RAI1: variants seen among roughly 807,000 people sequenced by gnomAD.
RAI1 encodes retinoic acid-induced protein 1.
RAI1 carries 9 observed loss-of-function variants against 123.8 expected under a neutral mutation model. The ratio of observed to expected loss-of-function variants is 0.07; its 90% confidence interval spans 0.04 to 0.13. RAI1 has a LOEUF of 0.13. Among genes scored for constraint, RAI1 ranks in the 10% least tolerant of loss-of-function variants. The pLI, the probability that RAI1 is intolerant of heterozygous loss-of-function variation, is 1.00. For synonymous variants in RAI1, 1,231 were observed against 1,127.3 expected (o/e 1.09, Z -1.84); for missense variants, 2,256 against 2,545.8 (o/e 0.89, Z 2.45).
At position 17,798,194 on chromosome 17, in the gene RAI1, C is replaced by T; in HGVS notation, c.5246C>T (p.Ala1749Val). Residue 1749 changes from alanine to valine, a missense_variant, in exon 3 of 6, where the codon GCC becomes GTC. This residue lies in a region of RAI1 where 243 missense variants were observed against 316.6 expected (regional missense o/e 0.77). Transcript: ENST00000353383. The part of the protein sequence containing the change: ...TLKGPECAAA[A>V]TAGKPPRPDG... ...AAAGGTCCCGAGTGTGCAGCTGCCGCCACTGCCGGGAAGCCCCCCAGGCCT... is the reference window on the plus strand; with the variant it reads ...AAAGGTCCCGAGTGTGCAGCTGCCGTCACTGCCGGGAAGCCCCCCAGGCCT... 6.2e-7 allele frequency: 1 copy of T among 1,612,788 alleles called. No individual in the cohort carries two copies. Among genetic ancestry groups the T allele is most frequent in the South Asian group, 1.1e-5 (1 of 91,068 alleles).
chr17:17,797,795 C>T lies in RAI1; in HGVS notation c.4847C>T (p.Ser1616Phe). Reference sequence around the variant, plus strand: ...ACCACCATATGCACTGTTGTCAACTCCCCTGGAGATGCGCCCAAGCCCCAC... The same window carrying T: ...ACCACCATATGCACTGTTGTCAACTTCCCTGGAGATGCGCCCAAGCCCCAC... ...AFTTICTVVN[S>F]PGDAPKPHRK... is the part of the protein sequence containing the mutation. Residue 1616 changes from serine to phenylalanine, a missense_variant, in exon 3 of 6, where the codon TCC (serine) becomes TTC (phenylalanine). By Grantham distance (155) the Ser-to-Phe change is radical (BLOSUM62 -2). Transcript: ENST00000353383. 6 of 1,614,066 alleles carry T rather than the reference C, an allele frequency of 3.7e-6. No homozygotes were observed. Among genetic ancestry groups the T allele is most frequent in the Non-Finnish European group, 5.1e-6 (6 of 1,180,032 alleles).
chr17:17,719,193 C>T (rs552195361), intron 1 of RAI1, among the ~76,000 whole-genome samples: 5 of 152,164 alleles, frequency 3.3e-5, no homozygotes, highest in African/African-American at 9.7e-5. Context: ...CAAGGGAAAG[C>T]GTGTCCCATC....
chr17:17,786,013 C>A (rs1011625351), intron 2 of RAI1, among the ~76,000 whole-genome samples: 1 of 152,096 alleles, frequency 6.6e-6, no homozygotes, highest in African/African-American at 2.4e-5. Context: ...TTGTAAAATC[C>A]TGATTTCTGT....
chr17:17,762,048 G>C (rs2030720993), intron 2 of RAI1, among the ~76,000 whole-genome samples: 1 of 152,210 alleles, frequency 6.6e-6, no homozygotes, highest in Admixed American at 6.5e-5. Context: ...CGAGGCTGGA[G>C]TGCCACCAGC....
At chr17:17,734,769 CAG>C (rs1375072664) in intron 2 of RAI1, among the ~76,000 whole-genome samples, 2 of 152,340 alleles carry the variant, frequency 1.3e-5, no homozygotes, top group African/African-American at 2.4e-5. Context: ...TGGACACACA[CAG>C]GGGCACATAT....
Position 17,771,292 on chromosome 17 carries a change from C to T in RAI1, c.-16-21641C>T, listed in dbSNP as rs558940729. 2.5e-4 allele frequency among the ~76,000 whole-genome samples: 38 copies of T among 152,318 alleles called. 1 individual carries two copies. In the South Asian group the frequency reaches 7.5e-3, roughly 30 times the overall value. On this transcript the variant is annotated intron_variant, in intron 2 of 5. Coordinates refer to ENST00000353383, the MANE Select transcript of RAI1 (RefSeq NM_030665.4). Reference sequence around the variant, plus strand: ...CATCCATCCATCCATCCATCAAATTCGTTCACTCATTCATTCAGCAAATGT... The same window carrying T: ...CATCCATCCATCCATCCATCAAATTTGTTCACTCATTCATTCAGCAAATGT...
At chr17:17,781,147 A>G (rs898222978) in intron 2 of RAI1, among the ~76,000 whole-genome samples, 1 of 152,028 alleles carries the variant, frequency 6.6e-6, no homozygotes, top group East Asian at 1.9e-4. Flanking sequence ...CAGGTTCCCA[A>G]ATAGGCGGTA....
At chr17:17,683,398 G>C (rs995646948) in intron 1 of RAI1, 4 of 152,208 alleles carry the variant, frequency 2.6e-5, no homozygotes, top group Non-Finnish European at 4.4e-5. Flanking sequence ...CACCCCAGGT[G>C]GGGGGCAGCC....
In RAI1 at chr17:17,793,570, C is replaced by T. The variant is rs1201201830; in HGVS notation, c.622C>T (p.His208Tyr). The change falls in exon 3 of 6, where the codon CAC (histidine) becomes TAC (tyrosine). Residue 208 changes from histidine to tyrosine, a missense_variant. By Grantham distance (83) the His-to-Tyr change is moderately conservative. Around this residue, in one of 7 missense-constraint regions of RAI1, gnomAD observed 336 missense variants for 349.8 expected, o/e 0.96. Transcript: ENST00000353383. Reference sequence around the variant, plus strand: ...CCCTCTGCCCTTCCCCCAGGGTACCCACTTTCCTCAGCATTCCCAGTCCTT... The same window carrying T: ...CCCTCTGCCCTTCCCCCAGGGTACCTACTTTCCTCAGCATTCCCAGTCCTT... Reference protein sequence around the residue: ...ASPLPFPQGTHFPQHSQSFPT... With the variant: ...ASPLPFPQGTYFPQHSQSFPT... The T allele has an allele frequency of 6.2e-7, 1 of 1,613,898 alleles. No individual in the cohort carries two copies.
chr17:17,756,397 A>G (rs535213019), intron 2 of RAI1, among the ~76,000 whole-genome samples: 3 of 151,912 alleles, frequency 2.0e-5, no homozygotes, highest in African/African-American at 7.3e-5. Context: ...GGGTTTCTCC[A>G]TGTTGGTCAG....
intron 2 of RAI1, among the ~76,000 whole-genome samples, chr17:17,724,458 G>A (rs1333209019): frequency 6.9e-6 from 1 of 144,810 alleles, no homozygotes; most frequent in Non-Finnish European, 1.5e-5. Flanking sequence ...GTTGTGCTGG[G>A]GATTCCCCCC....
rs1477089227 is a variant in RAI1 at position 17,798,350 on chromosome 17, A to T, written c.5402A>T (p.Lys1801Met). ...DGGEEAAPAD[K>M]GRKHECSKEA... The stretch of plus-strand genomic sequence containing the variant: ...GGCGAGGAGGCAGCCCCAGCCGACA[A>T]GGGTCGCAAACATGAGTGCAGCAAG... The change falls in exon 3 of 6, where the codon AAG becomes ATG. Residue 1801 changes from lysine to methionine, a missense_variant. This residue lies in a region of RAI1 where 243 missense variants were observed against 316.6 expected (regional missense o/e 0.77). Transcript: ENST00000353383. The T allele has an allele frequency of 6.2e-7, 1 of 1,605,052 alleles. No homozygotes were observed. The highest frequency in any genetic ancestry group is 1.3e-5 in the African/African-American group (1 of 74,824).
At chr17:17,745,000 AG>A (rs1336200595) in intron 2 of RAI1, among the ~76,000 whole-genome samples, 1 of 152,032 alleles carries the variant, frequency 6.6e-6, no homozygotes, top group African/African-American at 2.4e-5. Context: ...CCCTGCTGTT[AG>A]GGGCTCTCAC....
intron 2 of RAI1, chr17:17,777,516 G>A (rs2031389248): frequency 6.6e-6 from 1 of 152,286 alleles, no homozygotes; most frequent in South Asian, 2.1e-4. Flanking sequence ...AAATGCCTAG[G>A]ACAGTGCCTG....
Position 17,773,086 on chromosome 17 carries a change from T to C in RAI1, c.-16-19847T>C, listed in dbSNP as rs1598068951. Among the ~76,000 whole-genome samples, 3 of 92,372 alleles carry C rather than the reference T, an allele frequency of 3.2e-5. No homozygotes were observed. In the South Asian group the frequency reaches 9.6e-4, roughly 30 times the overall value. 60.6% of individuals were successfully genotyped at this position (92,372 alleles called of 152,430 possible). A position where few individuals can be genotyped will look rare whatever the true frequency, so the allele number is the denominator to read the frequency against. On this transcript the variant is annotated intron_variant, in intron 2 of 5. Coordinates refer to ENST00000353383, the MANE Select transcript of RAI1 (RefSeq NM_030665.4). ...GTGGGTGGGTGGGTGGATGGATGGA[T>C]GGATGGATGGGTGGGTGGGTAGGTG...
intron 2 of RAI1, among the ~76,000 whole-genome samples, chr17:17,744,667 G>A (rs113410288): frequency 0.026 from 3,951 of 151,754 alleles, 196 homozygotes; most frequent in African/African-American, 0.091. Flanking sequence ...GTGCGCACCT[G>A]TAATCCCAGC....
chr17:17,770,640 G>T (rs2031118303), intron 2 of RAI1, among the ~76,000 whole-genome samples: 1 of 152,010 alleles, frequency 6.6e-6, no homozygotes, highest in Non-Finnish European at 1.5e-5. Context: ...GGGGTGGGTG[G>T]GGGTGGGTAG....
intron 2 of RAI1, among the ~76,000 whole-genome samples, chr17:17,751,269 A>G (rs1333542567): frequency 6.6e-6 from 1 of 152,190 alleles, no homozygotes; most frequent in African/African-American, 2.4e-5. Context: ...TTTGAAGGCT[A>G]AGGTGGGAGT....
intron 1 of RAI1, among the ~76,000 whole-genome samples, chr17:17,708,745 G>A: frequency 6.6e-6 from 1 of 152,192 alleles, no homozygotes; most frequent in East Asian, 1.9e-4. Context: ...GGGGGACAGA[G>A]CAATGGTCCA....
Sources: allele counts gnomAD v4.1 joint callset (sites outside exome capture counted in the v4.1 genomes callset), GRCh38; gene constraint gnomAD v4.1.1; regional missense constraint gnomAD v4.1.1; transcripts MANE v1.5; gene names NCBI Gene and HGNC (gene_info 2026-07-23, HGNC 2026-07-21).